Variants in AKT3 observed in about 807,000 individuals in gnomAD.
The protein encoded by AKT3 is RAC-gamma serine/threonine-protein kinase.
AKT3 carries 15 observed loss-of-function variants against 65.3 expected under a neutral mutation model. That is an observed-to-expected ratio of 0.23 (90% CI 0.15 to 0.35). AKT3 has a LOEUF of 0.35. Ranked by LOEUF, AKT3 falls within the 10% of genes least tolerant of loss-of-function variation. The probability of loss-of-function intolerance (pLI) is 1.00; values close to 1 mark genes in which losing one functional copy is unlikely to be tolerated. For synonymous variants in AKT3, 206 were observed against 183.8 expected, an observed-to-expected ratio of 1.12 and a Z score of -0.98; for missense variants, 243 against 576.5, an observed-to-expected ratio of 0.42 and a Z score of 5.92.
At chr1:243,532,507 T>C (rs1031979326) in intron 12 of AKT3, among the ~76,000 whole-genome samples, 1 of 152,228 alleles carries the variant, frequency 6.6e-6, no homozygotes, top group Non-Finnish European at 1.5e-5. Context: ...GGAATAAATC[T>C]ACTTGGTTAA....
chr1:243,664,149 A>T (rs1227772089), intron 4 of AKT3, among the ~76,000 whole-genome samples: 1 of 150,482 alleles, frequency 6.6e-6, no homozygotes, highest in African/African-American at 2.4e-5. Context: ...TCAATTATAC[A>T]ATTTTTTAAA....
At chr1:243,757,766 C>CTT (rs34770465) in intron 2 of AKT3, among the ~76,000 whole-genome samples, 1,510 of 147,616 alleles carry the variant, frequency 0.01, 26 homozygotes, top group African/African-American at 0.028. Flanking sequence ...CTAATTAATA[C>CTT]TTTTTTTTTT....
intron 10 of AKT3, among the ~76,000 whole-genome samples, chr1:243,554,009 A>C (rs1012353305): frequency 6.6e-6 from 1 of 152,212 alleles, no homozygotes; most frequent in African/African-American, 2.4e-5. Flanking sequence ...ACATTTGATA[A>C]GGACAAAGCA....
intron 12 of AKT3, among the ~76,000 whole-genome samples, chr1:243,519,963 TTC>T (rs1294049205): frequency 2.6e-5 from 4 of 152,224 alleles, no homozygotes; most frequent in African/African-American, 9.6e-5. Context: ...AGTTTATATT[TTC>T]TGTTTTTATC....
At chr1:243,712,580 G>A (rs940368350) in intron 2 of AKT3, among the ~76,000 whole-genome samples, 2 of 151,822 alleles carry the variant, frequency 1.3e-5, no homozygotes, top group African/African-American at 4.8e-5. Flanking sequence ...TCCACATTGG[G>A]CGGAAAAAAG....
chr1:243,796,396 G>A (rs1020381036), intron 2 of AKT3, among the ~76,000 whole-genome samples: 1 of 152,218 alleles, frequency 6.6e-6, no homozygotes, highest in African/African-American at 2.4e-5. Context: ...CCACAAGGAT[G>A]CTTGTCCACA....
In AKT3 at chr1:243,545,395, A is replaced by C. The variant is rs576056837; in HGVS notation, c.1251+115T>G. The C allele has an allele frequency of 1.0e-3, 579 of 564,992 alleles. 1 individual carries two copies. Among genetic ancestry groups the C allele is most frequent in the Non-Finnish European group, 1.5e-3 (500 of 334,010 alleles). 35.0% of individuals were successfully genotyped at this position (564,992 alleles called of 1,614,324 possible). A position where few individuals can be genotyped will look rare whatever the true frequency, so the allele number is the denominator to read the frequency against. On this transcript the variant is annotated intron_variant, in intron 12 of 13. Transcript: ENST00000673466. ...TTCAATAATCACTTAAATGTCGGTA[A>C]AATGGAAAGTATCATTACATCATTA... is the stretch of plus-strand genomic sequence containing the variant.
In AKT3 at chr1:243,541,607, A is replaced by C. The variant is rs996301664; in HGVS notation, c.1251+3903T>G. ...GCTGCTAGATGTGCTCATTAACATC[A>C]TATTTAATGGTAAAAGGTGCTTTTC... On this transcript the variant is annotated intron_variant, in intron 12 of 13. Coordinates refer to ENST00000673466, the MANE Select transcript of AKT3 (RefSeq NM_005465.7). Among the ~76,000 whole-genome samples, 9 of 152,300 alleles carry C rather than the reference A, an allele frequency of 5.9e-5. No individual in the cohort carries two copies. In the South Asian group the frequency reaches 6.2e-4, roughly 11 times the overall value.
At chr1:243,847,423 A>G (rs546625705) in intron 1 of AKT3, among the ~76,000 whole-genome samples, 29 of 152,308 alleles carry the variant, frequency 1.9e-4, no homozygotes, top group African/African-American at 7.0e-4. Context: ...AGATATAATA[A>G]CAAAAGAAAA....
intron 3 of AKT3, among the ~76,000 whole-genome samples, chr1:243,686,535 G>A (rs1684308894): frequency 1.4e-5 from 2 of 146,582 alleles, no homozygotes; most frequent in Non-Finnish European, 3.0e-5. Flanking sequence ...GCTAAAGGAG[G>A]AATGATTGCC....
intron 8 of AKT3, among the ~76,000 whole-genome samples, chr1:243,588,695 G>T (rs557919657): frequency 6.6e-6 from 1 of 152,218 alleles, no homozygotes; most frequent in Admixed American, 6.5e-5. Context: ...ACATGCAAAA[G>T]AATGTAATGG....
intron 2 of AKT3, among the ~76,000 whole-genome samples, chr1:243,763,872 T>C (rs1689648040): frequency 6.6e-6 from 1 of 152,158 alleles, no homozygotes; most frequent in African/African-American, 2.4e-5. Context: ...CAGACACGAA[T>C]AGTACTTTTG....
intron 4 of AKT3, among the ~76,000 whole-genome samples, chr1:243,654,399 T>C (rs116627895): frequency 0.021 from 3,268 of 152,312 alleles, 102 homozygotes; most frequent in African/African-American, 0.075. Flanking sequence ...ATTCTGTACT[T>C]ATCCTCCTGA....
At chr1:243,714,284 T>C (rs1686357277) in intron 2 of AKT3, among the ~76,000 whole-genome samples, 1 of 152,252 alleles carries the variant, frequency 6.6e-6, no homozygotes, top group Non-Finnish European at 1.5e-5. Flanking sequence ...GTTTAATTTA[T>C]TGGCCTTGCA....
At chr1:243,494,098 G>A (rs1478480303) in intron 13 of AKT3, among the ~76,000 whole-genome samples, 2 of 152,198 alleles carry the variant, frequency 1.3e-5, no homozygotes, top group Non-Finnish European at 2.9e-5. Flanking sequence ...GACAGATGGC[G>A]CTTGAATAGA....
chr1:243,775,182 G>C (rs1361368931), intron 2 of AKT3, among the ~76,000 whole-genome samples: 1 of 151,976 alleles, frequency 6.6e-6, no homozygotes, highest in Admixed American at 6.6e-5. Context: ...TTATTTGTTT[G>C]TTTGTTTGTT....
At chr1:243,646,825 A>C (rs111885277) in intron 4 of AKT3, among the ~76,000 whole-genome samples, 403 of 152,306 alleles carry the variant, frequency 2.6e-3, no homozygotes, top group Admixed American at 7.5e-3. Context: ...AGATCATAGT[A>C]AATTTCTTAG....
chr1:243,568,585 C>G (rs530565900), intron 9 of AKT3, among the ~76,000 whole-genome samples: 1 of 152,214 alleles, frequency 6.6e-6, no homozygotes, highest in East Asian at 1.9e-4. Context: ...ATTTTTAAAT[C>G]TTTTTTCCTG....
chr1:243,833,543 C>G (rs1235693281), intron 2 of AKT3, among the ~76,000 whole-genome samples: 1 of 152,018 alleles, frequency 6.6e-6, no homozygotes, highest in African/African-American at 2.4e-5. Context: ...TCCCTTGACA[C>G]GTAGGGATTA....
Sources: gnomAD v4.1 joint callset for allele counts (sites outside exome capture counted in the v4.1 genomes callset) on GRCh38, gnomAD v4.1.1 for gene constraint, MANE v1.5 for transcripts, NCBI Gene and HGNC (gene_info 2026-07-23, HGNC 2026-07-21) for gene names.